Variants in ITFG1 observed in about 807,000 individuals in gnomAD.
The protein encoded by ITFG1 is integrin alpha FG-GAP repeat containing 1.
A neutral mutation model predicts 81.8 loss-of-function variants in ITFG1; 34 were observed. That is an observed-to-expected ratio of 0.42 (90% CI 0.32 to 0.55). ITFG1 has a LOEUF of 0.55. ITFG1 is among the 20% of genes least tolerant of loss of function. The pLI is 0.17. For missense variants in ITFG1, 672 were observed against 755.4 expected (o/e 0.89, Z 1.29); for synonymous variants, 285 against 270.6 (o/e 1.05, Z -0.52).
At chr16:47,296,088 A>T in intron 10 of ITFG1, among the ~76,000 whole-genome samples, 1 of 150,970 alleles carries the variant, frequency 6.6e-6, no homozygotes, top group Non-Finnish European at 1.5e-5. Context: ...ATTTTATTTT[A>T]TTTTATTTTA....
chr16:47,452,248 A>G (rs1049997086), intron 4 of ITFG1, among the ~76,000 whole-genome samples: 3 of 152,148 alleles, frequency 2.0e-5, no homozygotes, highest in African/African-American at 4.8e-5. Flanking sequence ...CTACCAAAAT[A>G]CGCTGTCAGA....
chr16:47,179,526 T>C (rs1965074070), intron 14 of ITFG1, among the ~76,000 whole-genome samples: 1 of 152,212 alleles, frequency 6.6e-6, no homozygotes, highest in African/African-American at 2.4e-5. Flanking sequence ...GTTCTAGAGC[T>C]GATTTACAGT....
intron 8 of ITFG1, among the ~76,000 whole-genome samples, chr16:47,361,997 T>C (rs139518788): frequency 9.2e-4 from 140 of 152,302 alleles, no homozygotes; most frequent in Non-Finnish European, 1.6e-3. Context: ...TTGTTGTCTT[T>C]ACAGCACGAT....
intron 6 of ITFG1, among the ~76,000 whole-genome samples, chr16:47,388,206 C>G (rs1968486473): frequency 6.6e-6 from 1 of 151,732 alleles, no homozygotes; most frequent in Admixed American, 6.6e-5. Flanking sequence ...ATGTGGGGCA[C>G]AATTAAGTAC....
At chr16:47,267,155 T>A (rs1020728759) in intron 10 of ITFG1, among the ~76,000 whole-genome samples, 5 of 152,222 alleles carry the variant, frequency 3.3e-5, no homozygotes, top group African/African-American at 1.2e-4. Flanking sequence ...ACCATTGAAC[T>A]GTATACTTTA....
chr16:47,174,697 T>C (rs1013301269), intron 14 of ITFG1, among the ~76,000 whole-genome samples: 6 of 152,186 alleles, frequency 3.9e-5, no homozygotes, highest in African/African-American at 1.4e-4. Flanking sequence ...ATTTTGTATT[T>C]TTAGTAGAGA....
chr16:47,419,173 G>C (rs1171762885), intron 6 of ITFG1, among the ~76,000 whole-genome samples: 1 of 152,186 alleles, frequency 6.6e-6, no homozygotes, highest in Non-Finnish European at 1.5e-5. Context: ...TTTAGAGACA[G>C]AGTCTGTCTA....
chr16:47,287,888 T>C (rs1448204893), intron 10 of ITFG1, among the ~76,000 whole-genome samples: 2 of 152,244 alleles, frequency 1.3e-5, no homozygotes, highest in Non-Finnish European at 2.9e-5. Context: ...TAACCTCTTC[T>C]GTTAGAAAGC....
intron 6 of ITFG1, among the ~76,000 whole-genome samples, chr16:47,381,348 A>G (rs1040897495): frequency 6.6e-6 from 1 of 152,238 alleles, no homozygotes; most frequent in African/African-American, 2.4e-5. Context: ...AAGTTTTAAG[A>G]AAAATATTCC....
intron 12 of ITFG1, among the ~76,000 whole-genome samples, chr16:47,247,098 GAA>G (rs1966010477): frequency 1.3e-5 from 2 of 151,814 alleles, no homozygotes; most frequent in Admixed American, 6.6e-5. Context: ...TTTCTTATAA[GAA>G]AAAAAGAGGA....
At chr16:47,359,912 T>C (rs959258941) in intron 8 of ITFG1, among the ~76,000 whole-genome samples, 4 of 152,208 alleles carry the variant, frequency 2.6e-5, no homozygotes, top group African/African-American at 9.7e-5. Flanking sequence ...ATTTAATTGT[T>C]TTTGTCTTTC....
intron 8 of ITFG1, among the ~76,000 whole-genome samples, chr16:47,324,265 A>C (rs887512827): frequency 5.9e-5 from 9 of 151,894 alleles, no homozygotes; most frequent in East Asian, 3.9e-4. Flanking sequence ...GAAATAAAAT[A>C]CTTTCCAGAC....
intron 6 of ITFG1, among the ~76,000 whole-genome samples, chr16:47,394,129 G>A (rs961343351): frequency 6.6e-6 from 1 of 152,176 alleles, no homozygotes. Flanking sequence ...GTTTTTGTAA[G>A]AGAACTCATT....
intron 8 of ITFG1, among the ~76,000 whole-genome samples, chr16:47,325,156 A>C (rs1967514974): frequency 6.6e-6 from 1 of 152,210 alleles, no homozygotes; most frequent in African/African-American, 2.4e-5. Context: ...GTGCAATCAA[A>C]CTAGAACTCA....
At chr16:47,314,364 C>A (rs912835873) in intron 8 of ITFG1, among the ~76,000 whole-genome samples, 4 of 152,130 alleles carry the variant, frequency 2.6e-5, no homozygotes, top group South Asian at 4.2e-4. Flanking sequence ...GTATTTTAAA[C>A]GTGAGACTCT....
At chr16:47,391,897 G>A (rs751170157) in intron 6 of ITFG1, among the ~76,000 whole-genome samples, 3 of 151,964 alleles carry the variant, frequency 2.0e-5, no homozygotes, top group East Asian at 1.9e-4. Context: ...CTATCCCTTC[G>A]TCCATTTTTC....
chr16:47,285,616 G>A (rs1966866815), intron 10 of ITFG1, among the ~76,000 whole-genome samples: 1 of 152,142 alleles, frequency 6.6e-6, no homozygotes, highest in Non-Finnish European at 1.5e-5. Flanking sequence ...TGTTGGAACT[G>A]AATTAGAGGA....
intron 8 of ITFG1, among the ~76,000 whole-genome samples, chr16:47,334,511 A>G (rs1967677780): frequency 6.6e-6 from 1 of 152,230 alleles, no homozygotes; most frequent in South Asian, 2.1e-4. Context: ...AAAAATTCCT[A>G]GAGCAAGTGA....
chr16:47,248,789 CTT>C (rs1056183043), intron 12 of ITFG1, among the ~76,000 whole-genome samples: 2 of 152,036 alleles, frequency 1.3e-5, no homozygotes, highest in African/African-American at 2.4e-5. Flanking sequence ...TGAAGTGAAA[CTT>C]ATTTTTTTAA....
Sources: gnomAD v4.1 joint callset for allele counts (sites outside exome capture counted in the v4.1 genomes callset) on GRCh38, gnomAD v4.1.1 for gene constraint, MANE v1.5 for transcripts, NCBI Gene and HGNC (gene_info 2026-07-23, HGNC 2026-07-21) for gene names.